Variants in GPM6B observed in about 807,000 individuals in gnomAD.
GPM6B encodes the protein glycoprotein M6B.
Under a neutral mutation model 27.2 loss-of-function variants are expected in GPM6B, and 4 were observed. The ratio of observed to expected loss-of-function variants is 0.15; its 90% CI spans 0.07 to 0.34. GPM6B has a LOEUF of 0.34. Among genes scored for constraint, GPM6B ranks in the 10% least tolerant of loss-of-function variants. GPM6B has a pLI of 1.00. For missense variants in GPM6B, 183 were observed against 261.9 expected, an observed-to-expected ratio of 0.70 and a Z score of 2.08; for synonymous variants, 124 against 103.1, an observed-to-expected ratio of 1.20 and a Z score of -1.23.
intron 7 of GPM6B, chrX:13,774,204 A>C (rs2048361607): frequency 2.6e-6 from 2 of 763,182 alleles, no homozygotes; most frequent in African/African-American, 4.6e-5. Flanking sequence ...TCAGGCAATC[A>C]AAAATAACAG....
upstream of GPM6B, among the ~76,000 whole-genome samples, chrX:13,819,990 T>C (rs753448633): frequency 8.1e-5 from 9 of 110,610 alleles, no homozygotes; most frequent in Non-Finnish European, 1.7e-4. Context: ...TGTCAAAGGG[T>C]CAGGAAGTGA....
At chrX:13,820,232 G>C (rs2049292680), upstream of GPM6B, among the ~76,000 whole-genome samples, 1 of 111,516 alleles carries the variant, frequency 9.0e-6, no homozygotes, top group Non-Finnish European at 1.9e-5. Context: ...GTACCAGTAA[G>C]AGATAGTGTG....
intron 2 of GPM6B, among the ~76,000 whole-genome samples, chrX:13,787,040 G>GAAAAAAA (rs2048624514): frequency 5.3e-4 from 7 of 13,203 alleles, no homozygotes; most frequent in Non-Finnish European, 7.7e-4. Context: ...CATTAAGCCA[G>GAAAAAAA]CAAAAAAAAA....
At chrX:13,774,912 AGCTAAAT>A (rs2048382245) in intron 7 of GPM6B, among the ~76,000 whole-genome samples, 1 of 112,167 alleles carries the variant, frequency 8.9e-6, no homozygotes, top group Non-Finnish European at 1.9e-5. Flanking sequence ...AGAAGGATGA[AGCTAAAT>A]GCCTTAATCC....
intron 1 of GPM6B, among the ~76,000 whole-genome samples, chrX:13,907,748 C>T (rs1357861946): frequency 8.9e-6 from 1 of 112,310 alleles, no homozygotes; most frequent in Non-Finnish European, 1.9e-5. Context: ...GATTGCACTT[C>T]GTTCTTAAAA....
At chrX:13,784,254 T>G (rs768020644) in intron 3 of GPM6B, among the ~76,000 whole-genome samples, 1 of 112,578 alleles carries the variant, frequency 8.9e-6, no homozygotes. Context: ...GGGTAAGGCA[T>G]GGGGATTTTC....
At chrX:13,932,877 C>CA (rs944561180) in intron 1 of GPM6B, among the ~76,000 whole-genome samples, 21 of 108,039 alleles carry the variant, frequency 1.9e-4, no homozygotes, top group African/African-American at 4.0e-4. Context: ...AAGCTCAAGG[C>CA]AAAAAAAAAG....
intron 1 of GPM6B, among the ~76,000 whole-genome samples, chrX:13,872,994 A>G (rs1254899727): frequency 1.8e-5 from 2 of 111,211 alleles, no homozygotes; most frequent in African/African-American, 6.5e-5. Context: ...CTTCTGAAAC[A>G]TGAATGAGAG....
chrX:13,777,463 A>G lies in GPM6B; in HGVS notation c.698-38T>C, dbSNP rs747555502. 18 of 938,783 alleles carry G rather than the reference A, an allele frequency of 1.9e-5. No individual in the cohort carries two copies. In the South Asian group the frequency reaches 2.2e-4, roughly 11 times the overall value. 77.4% of individuals were successfully genotyped at this position (938,783 alleles called of 1,213,427 possible). ...CCCCAATAGGATGTTAGTACAAACT[A>G]TAGCGCCTCATGTTCTTAACAGACC... is the stretch of plus-strand genomic sequence containing the variant. On this transcript the variant is annotated intron_variant, in intron 5 of 7. Coordinates refer to ENST00000316715, the MANE Select transcript of GPM6B (RefSeq NM_001001995.3).
intron 1 of GPM6B, 110 bp from the exon 2 acceptor site, chrX:13,807,879 T>A (rs976227743): frequency 1.4e-6 from 1 of 727,684 alleles, no homozygotes; most frequent in Non-Finnish European, 2.0e-6. Context: ...GTTTAAAAAA[T>A]ATGCTATTGA....
chrX:13,812,593 G>A (rs766483821), intron 1 of GPM6B, among the ~76,000 whole-genome samples: 5 of 111,564 alleles, frequency 4.5e-5, no homozygotes, highest in Non-Finnish European at 3.8e-5. Flanking sequence ...GGAAGTTTAA[G>A]TCATGGGGAC....
chrX:13,815,142 T>C (rs2147195439), intron 1 of GPM6B, among the ~76,000 whole-genome samples: 1 of 112,098 alleles, frequency 8.9e-6, no homozygotes, highest in South Asian at 3.7e-4. Flanking sequence ...AATGATTTTA[T>C]ATTGGTTATA....
At chrX:13,838,133 G>GAAAAAAAAAAAAAAAAA (rs59126207) in intron 1 of GPM6B, among the ~76,000 whole-genome samples, 1 of 89,391 alleles carries the variant, frequency 1.1e-5, no homozygotes, top group Non-Finnish European at 2.3e-5. Flanking sequence ...GGAAAAAAAA[G>GAAAAAAAAAAAAAAAAA]AAAAAAAAAA....
At chrX:13,931,371 C>G (rs1288672432) in intron 1 of GPM6B, among the ~76,000 whole-genome samples, 2 of 109,213 alleles carry the variant, frequency 1.8e-5, no homozygotes, top group Non-Finnish European at 3.8e-5. Context: ...GCCTGTAGTC[C>G]CAGCTACTCC....
chrX:13,874,236 G>C (rs994129665), intron 1 of GPM6B, among the ~76,000 whole-genome samples: 5 of 111,606 alleles, frequency 4.5e-5, no homozygotes, highest in African/African-American at 1.6e-4. Flanking sequence ...CACTTTTCTA[G>C]GGCTTAAGGA....
chrX:13,894,834 A>G (rs1226781865), intron 1 of GPM6B, among the ~76,000 whole-genome samples: 1 of 112,299 alleles, frequency 8.9e-6, no homozygotes, highest in Non-Finnish European at 1.9e-5. Context: ...AGGATGAAAC[A>G]TAAATCTGCT....
chrX:13,787,041 CAAAAAAAA>C (rs869123073), intron 2 of GPM6B, among the ~76,000 whole-genome samples: 14 of 24,509 alleles, frequency 5.7e-4, no homozygotes, highest in African/African-American at 2.7e-3. Flanking sequence ...ATTAAGCCAG[CAAAAAAAA>C]AAAAAAAAAA....
chrX:13,788,345 A>C (rs2048650986), intron 2 of GPM6B, among the ~76,000 whole-genome samples: 1 of 110,104 alleles, frequency 9.1e-6, no homozygotes, highest in Non-Finnish European at 1.9e-5. Context: ...GTCCAGCATG[A>C]TGGGGGCAAA....
At chrX:13,803,401 C>T (rs1050856718) in intron 2 of GPM6B, among the ~76,000 whole-genome samples, 13 of 111,131 alleles carry the variant, frequency 1.2e-4, no homozygotes, top group African/African-American at 4.3e-4. Context: ...CTCCAGAGGG[C>T]CCTCCTCTCC....
Sources: allele counts gnomAD v4.1 joint callset (sites outside exome capture counted in the v4.1 genomes callset), GRCh38; gene constraint gnomAD v4.1.1; transcripts MANE v1.5; gene names NCBI Gene and HGNC (gene_info 2026-07-23, HGNC 2026-07-21).